Variants in MACROD1 observed in about 807,000 individuals in gnomAD.
MACROD1 encodes the protein ADP-ribose glycohydrolase MACROD1.
MACROD1 carries 31 observed loss-of-function variants against 41.4 expected under a neutral mutation model. That is an observed-to-expected ratio of 0.75 (90% CI 0.56 to 1.01). The LOEUF (loss-of-function observed/expected upper bound fraction) is 1.01. Among genes scored for constraint, MACROD1 ranks in the 50% least tolerant of loss-of-function variants. The pLI, the probability that MACROD1 is intolerant of heterozygous loss-of-function variation, is 0.00. For missense variants in MACROD1, 473 were observed against 460.0 expected (o/e 1.03, Z -0.26); for synonymous variants, 252 against 203.4 (o/e 1.24, Z -2.03).
At chr11:64,105,116 C>T (rs776682726) in intron 3 of MACROD1, among the ~76,000 whole-genome samples, 21 of 152,228 alleles carry the variant, frequency 1.4e-4, no homozygotes, top group Non-Finnish European at 2.8e-4. Flanking sequence ...TATTAGCCAC[C>T]GGTGTGAAAG....
At chr11:64,059,552 C>T (rs1320482674) in intron 3 of MACROD1, among the ~76,000 whole-genome samples, 1 of 152,188 alleles carries the variant, frequency 6.6e-6, no homozygotes, top group African/African-American at 2.4e-5. Context: ...TACTTCCACC[C>T]TCATCTGGGG....
At chr11:64,078,905 AG>A (rs1944253325) in intron 3 of MACROD1, among the ~76,000 whole-genome samples, 1 of 152,184 alleles carries the variant, frequency 6.6e-6, no homozygotes, top group South Asian at 2.1e-4. Context: ...GGAGTTTGGC[AG>A]GTTCCAGGAC....
chr11:64,160,510 A>G (rs1945737581), intron 1 of MACROD1, among the ~76,000 whole-genome samples: 1 of 152,178 alleles, frequency 6.6e-6, no homozygotes, highest in African/African-American at 2.4e-5. Context: ...AGACATGGAG[A>G]GAATGTTCAG....
chr11:64,110,677 C>T (rs532049110), intron 3 of MACROD1, among the ~76,000 whole-genome samples: 3 of 152,220 alleles, frequency 2.0e-5, no homozygotes, highest in South Asian at 2.1e-4. Context: ...GCTAAGGATC[C>T]GGCTGTCAGT....
At chr11:64,055,696 C>CAGAT (rs1337725709) in intron 3 of MACROD1, among the ~76,000 whole-genome samples, 1 of 152,140 alleles carries the variant, frequency 6.6e-6, no homozygotes, top group Non-Finnish European at 1.5e-5. Flanking sequence ...GATGGGTGGA[C>CAGAT]AGATGGATGG....
At chr11:64,117,208 T>G in intron 3 of MACROD1, 3 of 1,614,152 alleles carry the variant, frequency 1.9e-6, no homozygotes, top group Non-Finnish European at 2.5e-6. Flanking sequence ...CGCGGCCTGT[T>G]CGACGACCTG....
chr11:64,036,036 T>TCTCCCGGGCCCCCC lies in MACROD1; in HGVS notation c.518-20769_518-20756dup. 1 of 150,866 alleles carries TCTCCCGGGCCCCCC rather than the reference T, an allele frequency of 6.6e-6. No homozygotes were observed. The allele number at this position is 150,866 out of a possible 1,614,324, so 9.3% of individuals were successfully genotyped here. ...TGCTCTGCCGCGCGCCGGGGGCTCC[T>TCTCCCGGGCCCCCC]CTCCCGGGCCCCCCTGGGCGCCCTC... On this transcript the variant is annotated intron_variant, in intron 3 of 10. Coordinates refer to ENST00000255681, the MANE Select transcript of MACROD1 (RefSeq NM_014067.4). The surrounding 1 kb of genome is among the most constrained non-coding windows in gnomAD (Gnocchi z 5.6).
chr11:64,073,030 G>C (rs986049054), intron 3 of MACROD1, among the ~76,000 whole-genome samples: 1 of 152,196 alleles, frequency 6.6e-6, no homozygotes, highest in Non-Finnish European at 1.5e-5. Flanking sequence ...GGCAGCCAGA[G>C]GCAGAGCCAG....
intron 3 of MACROD1, among the ~76,000 whole-genome samples, chr11:64,055,355 G>A (rs965532758): frequency 6.6e-6 from 1 of 152,224 alleles, no homozygotes; most frequent in Non-Finnish European, 1.5e-5. Flanking sequence ...GAAGCAGCCC[G>A]GTTTCTGGGT....
chr11:64,020,201 A>G (rs1378580011), intron 3 of MACROD1, among the ~76,000 whole-genome samples: 1 of 152,150 alleles, frequency 6.6e-6, no homozygotes, highest in Non-Finnish European at 1.5e-5. Context: ...GGGACCAACA[A>G]GGTGGAATGC....
chr11:64,138,142 G>C (rs1368608129), intron 3 of MACROD1, among the ~76,000 whole-genome samples: 1 of 152,196 alleles, frequency 6.6e-6, no homozygotes, highest in African/African-American at 2.4e-5. Context: ...ACAAGAGCTA[G>C]CAAGTGGCCA....
chr11:64,072,985 C>A (rs1190436978), intron 3 of MACROD1, among the ~76,000 whole-genome samples: 1 of 152,208 alleles, frequency 6.6e-6, no homozygotes, highest in African/African-American at 2.4e-5. Context: ...TCTGAAGGGT[C>A]CTGCAGCCCA....
At chr11:64,065,290 G>A (rs142989377) in intron 3 of MACROD1, among the ~76,000 whole-genome samples, 113 of 152,270 alleles carry the variant, frequency 7.4e-4, no homozygotes, top group South Asian at 5.0e-3. Context: ...GGCAGGTGGC[G>A]GGCAAGCGTC....
At chr11:64,006,336 A>G (rs1382737810) in intron 4 of MACROD1, among the ~76,000 whole-genome samples, 1 of 152,126 alleles carries the variant, frequency 6.6e-6, no homozygotes, top group East Asian at 1.9e-4. Flanking sequence ...CGGCCATTCA[A>G]TCAACAAACT....
chr11:64,021,978 T>TGGGGGG (rs1943163251), intron 3 of MACROD1, among the ~76,000 whole-genome samples: 4 of 1,932 alleles, frequency 2.1e-3, no homozygotes, highest in East Asian at 0.019. Context: ...GCAGTGGATC[T>TGGGGGG]GGAGGGGTGG....
Position 64,096,535 on chromosome 11 carries a change from C to T in MACROD1, c.517+54704G>A, listed in dbSNP as rs1272832082. The stretch of plus-strand genomic sequence containing the variant: ...GGTTCAAGCAATTCTCTTGCCTCAG[C>T]CCACCGAGTAGCTGGGATTACAGGC... On this transcript the variant is annotated intron_variant, in intron 3 of 10. Transcript: ENST00000255681. The surrounding 1 kb of genome is among the most constrained non-coding windows in gnomAD (Gnocchi z 4.6). Among the ~76,000 whole-genome samples, 1 of 152,162 alleles carries T rather than the reference C, an allele frequency of 6.6e-6. No homozygotes were observed.
chr11:64,001,538 C>A (rs886724834), intron 4 of MACROD1: 1 of 702,306 alleles, frequency 1.4e-6, no homozygotes, highest in Non-Finnish European at 2.6e-6. Context: ...ACACCCCTTT[C>A]TTTTGCTGTT....
chr11:64,152,904 C>T (rs1016342283), intron 1 of MACROD1, among the ~76,000 whole-genome samples: 6 of 152,208 alleles, frequency 3.9e-5, no homozygotes, highest in African/African-American at 1.4e-4. Flanking sequence ...GCTGCAGGAC[C>T]AAGTGGACCT....
intron 3 of MACROD1, among the ~76,000 whole-genome samples, chr11:64,070,747 A>G (rs955887511): frequency 1.3e-5 from 2 of 152,262 alleles, no homozygotes; most frequent in African/African-American, 4.8e-5. Flanking sequence ...TCCCGCTGCA[A>G]TAAAAATGGA....
Sources: allele counts gnomAD v4.1 joint callset (sites outside exome capture counted in the v4.1 genomes callset), GRCh38; gene constraint gnomAD v4.1.1; non-coding constraint Gnocchi (gnomAD v3.1); transcripts MANE v1.5; gene names NCBI Gene and HGNC (gene_info 2026-07-23, HGNC 2026-07-21).